NAALADL2: variants seen among roughly 807,000 people sequenced by gnomAD.
NAALADL2 encodes the protein N-acetylated alpha-linked acidic dipeptidase like 2.
In NAALADL2, 76 loss-of-function variants were observed where a neutral mutation model predicts 87.2. The ratio of observed to expected loss-of-function variants is 0.87; its 90% confidence interval spans 0.72 to 1.05. The LOEUF (loss-of-function observed/expected upper bound fraction) is 1.05, where lower values mean the gene tolerates loss of function less well. Ranked by LOEUF, NAALADL2 falls within the 50% of genes least tolerant of loss-of-function variation. The pLI is 0.00. For missense variants in NAALADL2, 1,089 were observed against 945.8 expected (o/e 1.15, Z -1.99); for synonymous variants, 354 against 331.0 (o/e 1.07, Z -0.75).
intron 9 of NAALADL2, among the ~76,000 whole-genome samples, chr3:175,513,753 T>A (rs559100827): frequency 6.6e-6 from 1 of 152,306 alleles, no homozygotes; most frequent in African/African-American, 2.4e-5. Context: ...GCATCTTGGA[T>A]CCCAAGGACT....
chr3:174,747,346 A>C (rs902986564), intron 3 of NAALADL2, among the ~76,000 whole-genome samples: 1 of 152,190 alleles, frequency 6.6e-6, no homozygotes, highest in Non-Finnish European at 1.5e-5. Context: ...ATCAGTGTTC[A>C]TCAGAGAAAT....
At chr3:174,443,021 T>C (rs1714781844) in intron 1 of NAALADL2, among the ~76,000 whole-genome samples, 1 of 152,076 alleles carries the variant, frequency 6.6e-6, no homozygotes, top group African/African-American at 2.4e-5. Context: ...AGAGGAGAAG[T>C]AGGATATGGG....
intron 1 of NAALADL2, among the ~76,000 whole-genome samples, chr3:174,934,799 T>C (rs1481935278): frequency 1.3e-5 from 2 of 151,898 alleles, no homozygotes; most frequent in Admixed American, 6.6e-5. Context: ...GAAAGACAAC[T>C]AAAAAGTAAT....
chr3:174,599,556 A>C (rs966150794), intron 2 of NAALADL2, among the ~76,000 whole-genome samples: 1 of 152,136 alleles, frequency 6.6e-6, no homozygotes. Flanking sequence ...AGAGGAAATA[A>C]ATCAGTATCC....
chr3:175,298,253 G>A (rs552796817), intron 4 of NAALADL2, among the ~76,000 whole-genome samples: 2 of 152,216 alleles, frequency 1.3e-5, no homozygotes, highest in Middle Eastern at 3.4e-3. Flanking sequence ...ACCTTGAGGA[G>A]CAATGAACTG....
intron 11 of NAALADL2, among the ~76,000 whole-genome samples, chr3:175,662,953 G>T (rs1732464648): frequency 2.0e-5 from 3 of 150,564 alleles, no homozygotes; most frequent in African/African-American, 7.4e-5. Context: ...TAGTTTGTTT[G>T]TTTGTTTGTT....
intron 2 of NAALADL2, among the ~76,000 whole-genome samples, chr3:175,164,140 A>G (rs77592931): frequency 6.6e-6 from 1 of 152,110 alleles, no homozygotes; most frequent in South Asian, 2.1e-4. Context: ...AAAAATGTCC[A>G]TTTTTTGTTT....
At chr3:174,807,869 T>TTGTGTGTGTGTGTGTGTGTGTG (rs374956917) in intron 3 of NAALADL2, among the ~76,000 whole-genome samples, 2 of 149,846 alleles carry the variant, frequency 1.3e-5, no homozygotes, top group African/African-American at 4.9e-5. Context: ...ATTATTTTCA[T>TTGTGTGTGTGTGTGTGTGTGTG]TGTGTGTGTG....
At chr3:174,744,936 A>G (rs1734105810) in intron 3 of NAALADL2, among the ~76,000 whole-genome samples, 3 of 152,186 alleles carry the variant, frequency 2.0e-5, no homozygotes, top group Admixed American at 2.0e-4. Context: ...TCTCTGGGAC[A>G]CAGCTAAAGG....
intron 4 of NAALADL2, among the ~76,000 whole-genome samples, chr3:175,323,600 A>G (rs924598457): frequency 1.3e-5 from 2 of 151,994 alleles, no homozygotes; most frequent in African/African-American, 2.4e-5. Flanking sequence ...CCATGAATAG[A>G]CAATTGAAAT....
At chr3:175,521,199 C>A (rs1732608447) in intron 9 of NAALADL2, among the ~76,000 whole-genome samples, 1 of 151,344 alleles carries the variant, frequency 6.6e-6, no homozygotes, top group African/African-American at 2.4e-5. Flanking sequence ...ACATTTTTCC[C>A]TTTTTTATAA....
intron 3 of NAALADL2, among the ~76,000 whole-genome samples, chr3:174,798,132 ACT>A (rs1388277721): frequency 6.6e-6 from 1 of 152,130 alleles, no homozygotes; most frequent in African/African-American, 2.4e-5. Context: ...AATTATCTTG[ACT>A]CTGTCATCAA....
intron 3 of NAALADL2, among the ~76,000 whole-genome samples, chr3:174,833,456 A>G (rs1214017105): frequency 6.6e-6 from 1 of 152,180 alleles, no homozygotes; most frequent in African/African-American, 2.4e-5. Context: ...AGATGGCTTC[A>G]CTAGCAAATA....
chr3:175,782,075 T>C (rs1339597784), intron 13 of NAALADL2, among the ~76,000 whole-genome samples: 2 of 151,136 alleles, frequency 1.3e-5, no homozygotes, highest in Non-Finnish European at 3.0e-5. Flanking sequence ...ATGGTGTATA[T>C]GTGCCACATT....
chr3:175,297,250 C>T (rs1428434880), intron 4 of NAALADL2, among the ~76,000 whole-genome samples: 1 of 152,104 alleles, frequency 6.6e-6, no homozygotes, highest in Non-Finnish European at 1.5e-5. Context: ...GGCCAAAAGC[C>T]AATAGGTAAC....
intron 5 of NAALADL2, among the ~76,000 whole-genome samples, chr3:175,346,896 T>C (rs1254481872): frequency 5.9e-5 from 9 of 152,168 alleles, no homozygotes; most frequent in Non-Finnish European, 1.0e-4. Flanking sequence ...AAAATAAAAA[T>C]AATAACTACA....
At chr3:175,087,509 C>T (rs186382530) in intron 1 of NAALADL2, among the ~76,000 whole-genome samples, 2 of 152,302 alleles carry the variant, frequency 1.3e-5, no homozygotes, top group East Asian at 1.9e-4. Flanking sequence ...CAGATTGTTA[C>T]GGTGCCTGTG....
At chr3:174,636,555 G>C (rs952610161) in intron 2 of NAALADL2, among the ~76,000 whole-genome samples, 1 of 152,062 alleles carries the variant, frequency 6.6e-6, no homozygotes, top group African/African-American at 2.4e-5. Flanking sequence ...ATGAAAAAAT[G>C]CTCAACATCA....
chr3:175,439,626 G>A (rs779909026), intron 5 of NAALADL2, among the ~76,000 whole-genome samples: 3 of 151,008 alleles, frequency 2.0e-5, no homozygotes, highest in Non-Finnish European at 3.0e-5. Flanking sequence ...TTTATTGGCC[G>A]TTTGTATATC....
Sources: allele counts gnomAD v4.1 joint callset (sites outside exome capture counted in the v4.1 genomes callset), GRCh38; gene constraint gnomAD v4.1.1; transcripts MANE v1.5; gene names NCBI Gene and HGNC (gene_info 2026-07-23, HGNC 2026-07-21).